Variants in DLC1 observed in about 807,000 individuals in gnomAD.
DLC1 encodes rho GTPase-activating protein 7.
A neutral mutation model predicts 140.3 loss-of-function variants in DLC1; 54 were observed. The ratio of observed to expected loss-of-function variants is 0.38; its 90% CI spans 0.31 to 0.48. The LOEUF (loss-of-function observed/expected upper bound fraction) is 0.48, where lower values mean the gene tolerates loss of function less well. Ranked by LOEUF, DLC1 falls within the 20% of genes least tolerant of loss-of-function variation. DLC1 has a pLI of 0.96. For synonymous variants in DLC1, 986 were observed against 728.1 expected (o/e 1.35, Z -5.70); for missense variants, 2,536 against 1,907.0 (o/e 1.33, Z -6.14).
At chr8:13,468,045 G>A (rs758104766) in intron 2 of DLC1, among the ~76,000 whole-genome samples, 58 of 152,030 alleles carry the variant, frequency 3.8e-4, no homozygotes, top group African/African-American at 1.3e-3. Context: ...ACAAGAAATC[G>A]AAAGAATCTG....
chr8:13,433,089 C>T (rs1838959625), intron 2 of DLC1, among the ~76,000 whole-genome samples: 1 of 151,454 alleles, frequency 6.6e-6, no homozygotes, highest in Non-Finnish European at 1.5e-5. Flanking sequence ...CCACTGAAAA[C>T]TGTAGGATGA....
intron 2 of DLC1, among the ~76,000 whole-genome samples, chr8:13,453,404 G>GTATATATA (rs1252499122): frequency 0.018 from 409 of 22,886 alleles, 12 homozygotes; most frequent in Non-Finnish European, 0.017. Context: ...ATATATATGT[G>GTATATATA]TATATATATA....
intron 4 of DLC1, among the ~76,000 whole-genome samples, chr8:13,318,728 G>A (rs1444718268): frequency 6.6e-6 from 1 of 152,170 alleles, no homozygotes; most frequent in Non-Finnish European, 1.5e-5. Context: ...TTAATCTTAA[G>A]GGAGCAGGAA....
intron 5 of DLC1, among the ~76,000 whole-genome samples, chr8:13,127,144 A>G (rs1183968835): frequency 1.3e-5 from 2 of 152,244 alleles, no homozygotes; most frequent in African/African-American, 4.8e-5. Context: ...AGGTGAGCTA[A>G]GGAATTATTT....
intron 5 of DLC1, among the ~76,000 whole-genome samples, chr8:13,303,677 A>G (rs1330734345): frequency 6.6e-6 from 1 of 151,988 alleles, no homozygotes; most frequent in Admixed American, 6.6e-5. Flanking sequence ...TGGCGCAGGC[A>G]TGTAATCCCA....
intron 5 of DLC1, among the ~76,000 whole-genome samples, chr8:13,130,455 C>G (rs1036462067): frequency 6.6e-6 from 1 of 152,210 alleles, no homozygotes; most frequent in Admixed American, 6.5e-5. Flanking sequence ...TAGAAATGCT[C>G]TAAACTTTGC....
intron 17 of DLC1, 125 bp downstream of exon 17, chr8:13,086,165 A>G: frequency 7.2e-7 from 1 of 1,382,938 alleles, no homozygotes; most frequent in Non-Finnish European, 9.7e-7. Flanking sequence ...CTTTCTAAAC[A>G]CCATTCTTCA....
intron 4 of DLC1, among the ~76,000 whole-genome samples, chr8:13,366,865 G>T (rs886995307): frequency 3.3e-5 from 5 of 152,004 alleles, no homozygotes; most frequent in African/African-American, 4.8e-5. Context: ...CTTCTGGCCG[G>T]GCTCTCCCAC....
At chr8:13,438,273 A>G (rs541297974) in intron 2 of DLC1, among the ~76,000 whole-genome samples, 5 of 152,296 alleles carry the variant, frequency 3.3e-5, no homozygotes, top group African/African-American at 1.2e-4. Flanking sequence ...ATGAGCAGTC[A>G]GAGTTGAAAT....
intron 2 of DLC1, among the ~76,000 whole-genome samples, chr8:13,468,739 A>G (rs2117058247): frequency 7.1e-6 from 1 of 140,956 alleles, no homozygotes; most frequent in South Asian, 2.3e-4. Flanking sequence ...TGACATATTC[A>G]TTTATCTGTA....
rs193155113 is a variant in DLC1, at chr8:13,283,523, C to G, written c.1348+21746G>C. ...CTGGCAGTTCTTTTTCTTTTTCTTTCTTTCTTTTTTGAGACAAGATCTCAC... is the reference window on the plus strand; with the variant it reads ...CTGGCAGTTCTTTTTCTTTTTCTTTGTTTCTTTTTTGAGACAAGATCTCAC... On this transcript the variant is annotated intron_variant, in intron 5 of 17. Coordinates refer to ENST00000276297, the MANE Select transcript of DLC1 (RefSeq NM_182643.3). 2.2e-3 allele frequency among the ~76,000 whole-genome samples: 330 copies of G among 152,092 alleles called. 2 individuals carry two copies. The highest frequency in any genetic ancestry group is 4.8e-3 in the Admixed American group (74 of 15,282).
At chr8:13,155,458 G>T (rs1250190120) in intron 5 of DLC1, among the ~76,000 whole-genome samples, 5 of 151,674 alleles carry the variant, frequency 3.3e-5, no homozygotes, top group African/African-American at 1.2e-4. Context: ...ACATTTTTAG[G>T]CTAAAACAAT....
intron 2 of DLC1, among the ~76,000 whole-genome samples, chr8:13,467,276 C>T (rs72603972): frequency 0.077 from 11,749 of 152,116 alleles, 610 homozygotes; most frequent in East Asian, 0.16. Flanking sequence ...TTTCACCTGC[C>T]CCGTTGGAAT....
chr8:13,197,433 C>G (rs1402384603), intron 5 of DLC1, among the ~76,000 whole-genome samples: 1 of 151,870 alleles, frequency 6.6e-6, no homozygotes, highest in Non-Finnish European at 1.5e-5. Context: ...ACTGCAAACT[C>G]CACCTCCCAG....
At chr8:13,597,142 G>A (rs556368200) in intron 1 of DLC1, among the ~76,000 whole-genome samples, 2 of 152,020 alleles carry the variant, frequency 1.3e-5, no homozygotes, top group East Asian at 3.9e-4. Flanking sequence ...TTGCAGTTTA[G>A]GAGCCAAAAT....
chr8:13,473,832 A>G (rs1223139823), intron 2 of DLC1, among the ~76,000 whole-genome samples: 1 of 152,180 alleles, frequency 6.6e-6, no homozygotes, highest in Non-Finnish European at 1.5e-5. Flanking sequence ...CTGGTGGAAG[A>G]AATTTCTAAG....
intron 4 of DLC1, among the ~76,000 whole-genome samples, chr8:13,378,556 A>T (rs1330622587): frequency 6.6e-6 from 1 of 152,190 alleles, no homozygotes; most frequent in Non-Finnish European, 1.5e-5. Context: ...TTCTACAGAT[A>T]CTATATACAT....
At chr8:13,591,211 C>G (rs1051287202) in intron 1 of DLC1, among the ~76,000 whole-genome samples, 2 of 151,992 alleles carry the variant, frequency 1.3e-5, no homozygotes, top group Non-Finnish European at 2.9e-5. Flanking sequence ...GATTATCACA[C>G]TCATTTTTTA....
At chr8:13,343,259 C>T (rs924732720) in intron 4 of DLC1, among the ~76,000 whole-genome samples, 8 of 152,120 alleles carry the variant, frequency 5.3e-5, no homozygotes, top group African/African-American at 1.9e-4. Context: ...TTGTTTGCAG[C>T]CTTAAGTGTA....
Sources: allele counts gnomAD v4.1 joint callset (sites outside exome capture counted in the v4.1 genomes callset), GRCh38; gene constraint gnomAD v4.1.1; transcripts MANE v1.5; gene names NCBI Gene and HGNC (gene_info 2026-07-23, HGNC 2026-07-21).